The following LMO7 variants were observed in gnomAD, a reference collection of about 807,000 sequenced individuals.
The protein encoded by LMO7 is LIM domain only protein 7.
A neutral mutation model predicts 206.5 loss-of-function variants in LMO7; 120 were observed. The observed-to-expected ratio is 0.58, with a 90% CI of 0.50 to 0.68. The LOEUF is 0.68. Among genes scored for constraint, LMO7 ranks in the 30% least tolerant of loss-of-function variants. The pLI, the probability that LMO7 is intolerant of heterozygous loss-of-function variation, is 0.00. For missense variants in LMO7, 1,959 were observed against 1,957.9 expected, an observed-to-expected ratio of 1.00 and a Z score of -0.01; for synonymous variants, 706 against 681.5, an observed-to-expected ratio of 1.04 and a Z score of -0.56.
chr13:75,666,740 T>C (rs184526168), intron 1 of LMO7, among the ~76,000 whole-genome samples: 2 of 152,366 alleles, frequency 1.3e-5, no homozygotes, highest in African/African-American at 4.8e-5. Flanking sequence ...GTAAAAAGTT[T>C]GGATTTTATC....
chr13:75,842,109 A>G (rs1299010795), intron 24 of LMO7, 126 bp downstream of exon 24: 3 of 689,030 alleles, frequency 4.4e-6, no homozygotes, highest in Non-Finnish European at 7.2e-6. Flanking sequence ...GCCACCAAAG[A>G]GAACCTTTAA....
chr13:75,681,540 G>C (rs1413541598), intron 1 of LMO7, among the ~76,000 whole-genome samples: 3 of 151,426 alleles, frequency 2.0e-5, no homozygotes, highest in Non-Finnish European at 4.4e-5. Flanking sequence ...ATACAGCACT[G>C]TCCCATTACC....
At chr13:75,762,443 T>G (rs1328157995) in intron 4 of LMO7, among the ~76,000 whole-genome samples, 2 of 152,310 alleles carry the variant, frequency 1.3e-5, no homozygotes, top group East Asian at 3.9e-4. Context: ...TGTTGATGCT[T>G]GTTAAGCGTT....
intron 25 of LMO7, 68 bp from the exon 26 acceptor site, chr13:75,845,259 T>G: frequency 1.3e-6 from 1 of 772,214 alleles, no homozygotes; most frequent in South Asian, 2.0e-5. Context: ...CTTCGGTGTT[T>G]TTACTTCATA....
intron 1 of LMO7, among the ~76,000 whole-genome samples, chr13:75,666,529 T>C (rs1016700981): frequency 1.1e-4 from 16 of 152,298 alleles, no homozygotes; most frequent in South Asian, 4.1e-4. Flanking sequence ...TGGTGCTGCA[T>C]TGAGAACTTA....
intron 27 of LMO7, among the ~76,000 whole-genome samples, 182 bp from the exon 28 acceptor site, chr13:75,852,910 G>A (rs2060606690): frequency 6.6e-6 from 1 of 152,050 alleles, no homozygotes; most frequent in South Asian, 2.1e-4. Context: ...CTTATGATGG[G>A]TTTATTGAGA....
intron 15 of LMO7, among the ~76,000 whole-genome samples, chr13:75,828,996 T>A (rs1181488756): frequency 1.6e-4 from 24 of 152,178 alleles, no homozygotes; most frequent in Admixed American, 1.6e-3. Context: ...GATGAACTAT[T>A]GATGCAATTA....
intron 15 of LMO7, among the ~76,000 whole-genome samples, chr13:75,829,071 C>G (rs953806370): frequency 6.6e-6 from 1 of 152,042 alleles, no homozygotes; most frequent in Non-Finnish European, 1.5e-5. Flanking sequence ...ATTCAGTTTT[C>G]GAATTGTTGG....
chr13:75,681,215 T>G (rs2040456273), intron 1 of LMO7, among the ~76,000 whole-genome samples: 1 of 152,182 alleles, frequency 6.6e-6, no homozygotes, highest in Non-Finnish European at 1.5e-5. Flanking sequence ...CTTTCGATGT[T>G]TTTGCCATGA....
intron 1 of LMO7, among the ~76,000 whole-genome samples, chr13:75,647,373 C>A (rs1318776097): frequency 6.6e-6 from 1 of 152,174 alleles, no homozygotes. Context: ...TTTTCAAGTT[C>A]TGTTCTAGAC....
intron 4 of LMO7, among the ~76,000 whole-genome samples, chr13:75,794,650 T>C (rs2053728575): frequency 6.6e-6 from 1 of 152,192 alleles, no homozygotes; most frequent in African/African-American, 2.4e-5. Flanking sequence ...CTTAAGTGTC[T>C]CTAATGAGGG....
In LMO7 at chr13:75,859,581, T is replaced by C. The variant is rs1358072701; in HGVS notation, c.*1638T>C. On this transcript the variant is annotated 3_prime_UTR_variant, in exon 31 of 31. Transcript: ENST00000377534. ...AATATGTGCATGTTATATATAAATATGTAAATTCTGTGATACTCTATGATC... is the reference window on the plus strand; with the variant it reads ...AATATGTGCATGTTATATATAAATACGTAAATTCTGTGATACTCTATGATC... The C allele has an allele frequency of 1.3e-5, 2 of 152,234 alleles. No individual in the cohort carries two copies. The highest frequency in any genetic ancestry group is 4.1e-4 in the South Asian group (2 of 4,828). The allele number at this position is 152,234 out of a possible 1,614,324, so 9.4% of individuals were successfully genotyped here.
chr13:75,802,854 A>G (rs567238859), intron 7 of LMO7, among the ~76,000 whole-genome samples: 1 of 152,302 alleles, frequency 6.6e-6, no homozygotes, highest in African/African-American at 2.4e-5. Flanking sequence ...AATGTAGGGT[A>G]ATATTTTTAG....
At chr13:75,762,823 T>G (rs984419262) in intron 4 of LMO7, among the ~76,000 whole-genome samples, 7 of 152,132 alleles carry the variant, frequency 4.6e-5, no homozygotes, top group Non-Finnish European at 8.8e-5. Context: ...CTGATAATTC[T>G]ATCTCATTGG....
chr13:75,764,310 A>G (rs1002558796), intron 4 of LMO7, among the ~76,000 whole-genome samples: 1 of 152,148 alleles, frequency 6.6e-6, no homozygotes, highest in Non-Finnish European at 1.5e-5. Flanking sequence ...ATTCTTAACC[A>G]TTTACTAAAC....
chr13:75,695,576 A>G (rs1594335160), intron 1 of LMO7, among the ~76,000 whole-genome samples: 1 of 152,080 alleles, frequency 6.6e-6, no homozygotes, highest in Admixed American at 6.5e-5. Context: ...TGATTTCTTG[A>G]CCTCGTGATC....
chr13:75,772,486 C>T (rs2049888832), intron 4 of LMO7, among the ~76,000 whole-genome samples: 1 of 152,014 alleles, frequency 6.6e-6, no homozygotes, highest in South Asian at 2.1e-4. Context: ...CTTACAACCA[C>T]TTTATAAGAT....
chr13:75,695,916 G>A (rs951359142), intron 1 of LMO7, among the ~76,000 whole-genome samples: 2 of 150,326 alleles, frequency 1.3e-5, no homozygotes, highest in Non-Finnish European at 2.9e-5. Context: ...TTTGTTGTAT[G>A]TTTTATGTAC....
Position 75,745,554 on chromosome 13 carries a change from G to T in LMO7, c.211-15378G>T, listed in dbSNP as rs141854301. 8.2e-3 allele frequency among the ~76,000 whole-genome samples: 1,254 copies of T among 152,320 alleles called. 18 individuals are homozygous for T. The highest frequency in any genetic ancestry group is 0.025 in the East Asian group (132 of 5,180). On this transcript the variant is annotated intron_variant, in intron 3 of 30. Transcript: ENST00000377534. ...GATGGTTAATCGTATGTGTCAACTT[G>T]ACTGGGCCATAGGGTGCCCAGATAT...
Sources: allele counts gnomAD v4.1 joint callset (sites outside exome capture counted in the v4.1 genomes callset), GRCh38; gene constraint gnomAD v4.1.1; transcripts MANE v1.5; gene names NCBI Gene and HGNC (gene_info 2026-07-23, HGNC 2026-07-21).